THSD4: variants seen among roughly 807,000 people sequenced by gnomAD.
The protein encoded by THSD4 is thrombospondin type-1 domain-containing protein 4.
A neutral mutation model predicts 119.0 loss-of-function variants in THSD4; 69 were observed. The ratio of observed to expected loss-of-function variants is 0.58; its 90% confidence interval spans 0.48 to 0.71. The LOEUF (loss-of-function observed/expected upper bound fraction) is 0.71. Among genes scored for constraint, THSD4 ranks in the 30% least tolerant of loss-of-function variants. THSD4 has a pLI of 0.00. For missense variants in THSD4, 1,393 were observed against 1,391.1 expected (o/e 1.00, Z -0.02); for synonymous variants, 524 against 540.4 (o/e 0.97, Z 0.42).
At chr15:71,694,792 C>A (rs571044879) in intron 8 of THSD4, among the ~76,000 whole-genome samples, 4 of 152,112 alleles carry the variant, frequency 2.6e-5, no homozygotes, top group Non-Finnish European at 5.9e-5. Context: ...CAGTCCATAG[C>A]CCCTTGATAG....
intron 8 of THSD4, among the ~76,000 whole-genome samples, chr15:71,668,140 A>AT (rs950049703): frequency 1.3e-4 from 20 of 152,164 alleles, no homozygotes; most frequent in Non-Finnish European, 2.4e-4. Context: ...GTTTTCTAAC[A>AT]TTACAAATAA....
At chr15:71,326,161 A>G (rs762121049) in intron 6 of THSD4, among the ~76,000 whole-genome samples, 8 of 152,170 alleles carry the variant, frequency 5.3e-5, no homozygotes, top group Non-Finnish European at 7.4e-5. Flanking sequence ...TTGGCCACTA[A>G]TGTGACCTAG....
At chr15:71,643,473 TCAAGTAGGCCC>T (rs1439412212) in intron 7 of THSD4, among the ~76,000 whole-genome samples, 1 of 152,102 alleles carries the variant, frequency 6.6e-6, no homozygotes, top group Non-Finnish European at 1.5e-5. Context: ...CCCTCCATCC[TCAAGTAGGCCC>T]CAGTGTGTGT....
intron 6 of THSD4, among the ~76,000 whole-genome samples, chr15:71,278,757 G>A (rs2044619889): frequency 6.6e-6 from 1 of 152,152 alleles, no homozygotes; most frequent in Non-Finnish European, 1.5e-5. Flanking sequence ...GAAACGCTAG[G>A]CAGACAAACC....
At chr15:71,709,350 C>A (rs62024323) in intron 8 of THSD4, among the ~76,000 whole-genome samples, 2,442 of 152,182 alleles carry the variant, frequency 0.016, 32 homozygotes, top group Non-Finnish European at 0.024. Context: ...AGCAGCAGCA[C>A]CTGTGTGAAA....
At chr15:71,462,741 A>G (rs1385409530) in intron 7 of THSD4, among the ~76,000 whole-genome samples, 1 of 152,234 alleles carries the variant, frequency 6.6e-6, no homozygotes, top group African/African-American at 2.4e-5. Context: ...CAGGCTAAAC[A>G]TTCCATGTTT....
At chr15:71,359,319 T>C (rs1403010841) in intron 6 of THSD4, among the ~76,000 whole-genome samples, 3 of 152,242 alleles carry the variant, frequency 2.0e-5, no homozygotes, top group African/African-American at 4.8e-5. Context: ...TCTTGAGTTA[T>C]CTTTGATTCT....
At position 71,293,256 on chromosome 15, in the gene THSD4, C is replaced by T. The variant is rs193039903; in HGVS notation, c.1015+36541C>T. ...TGAGCTATCTTTTTTTGTTGGAACC[C>T]TGCACACAACTGTCATTATGTAGAT... On this transcript the variant is annotated intron_variant, in intron 6 of 17. Transcript: ENST00000261862. Among the ~76,000 whole-genome samples, 16 of 152,226 alleles carry T rather than the reference C, an allele frequency of 1.1e-4. No homozygotes were observed. In the East Asian group the frequency reaches 2.9e-3, roughly 28 times the overall value.
intron 6 of THSD4, among the ~76,000 whole-genome samples, chr15:71,379,718 A>G (rs1033399187): frequency 6.6e-5 from 10 of 151,864 alleles, no homozygotes; most frequent in African/African-American, 1.7e-4. Flanking sequence ...TCGGCCTCCC[A>G]AAGTGCTGGG....
intron 5 of THSD4, 51 bp from the exon 6 acceptor site, chr15:71,256,562 A>G (rs1456884422): frequency 1.4e-6 from 2 of 1,468,838 alleles, no homozygotes; most frequent in Non-Finnish European, 1.9e-6. Context: ...TGTATCCTGG[A>G]GCTATGAAAA....
At chr15:71,162,117 CT>C (rs988330900) in intron 3 of THSD4, among the ~76,000 whole-genome samples, 1 of 151,868 alleles carries the variant, frequency 6.6e-6, no homozygotes, top group African/African-American at 2.4e-5. Context: ...ATGTTTTTGA[CT>C]TTTTTTGGCT....
intron 6 of THSD4, among the ~76,000 whole-genome samples, chr15:71,285,560 T>G (rs2044704455): frequency 6.6e-6 from 1 of 152,188 alleles, no homozygotes; most frequent in South Asian, 2.1e-4. Flanking sequence ...AACTTTTCTC[T>G]TTTATTAAAA....
intron 8 of THSD4, among the ~76,000 whole-genome samples, chr15:71,710,974 C>T (rs932792285): frequency 2.0e-5 from 3 of 151,866 alleles, no homozygotes; most frequent in Non-Finnish European, 2.9e-5. Flanking sequence ...TTCATTATAT[C>T]TGTTTACCTA....
chr15:71,400,335 C>G (rs564428254), intron 6 of THSD4, among the ~76,000 whole-genome samples: 158 of 152,314 alleles, frequency 1.0e-3, no homozygotes, highest in Non-Finnish European at 1.7e-3. Context: ...TCTCACCCCT[C>G]TTCTGACTTT....
In THSD4 at chr15:71,728,571, C is replaced by T. The variant is rs2052910096; in HGVS notation, c.1380C>T (p.Arg460=). The change falls in exon 9 of 18, where the codon CGC becomes CGT. Residue 460 remains arginine (R), a synonymous_variant. Transcript: ENST00000261862. Reference sequence around the variant, plus strand: ...CAGCCCTGAGAAGTCGTTCTGGACGCTCCATCATCAATGGGAACTGGGCAA... The same window carrying T: ...CAGCCCTGAGAAGTCGTTCTGGACGTTCCATCATCAATGGGAACTGGGCAA... The part of the protein sequence containing the change: ...NYLALRSRSG[R]SIINGNWAID... 6.2e-7 allele frequency: 1 copy of T among 1,614,082 alleles called. No individual in the cohort carries two copies. Among genetic ancestry groups the T allele is most frequent in the Non-Finnish European group, 8.5e-7 (1 of 1,180,054 alleles).
At chr15:71,211,611 G>C (rs1199702840) in intron 3 of THSD4, among the ~76,000 whole-genome samples, 1 of 152,124 alleles carries the variant, frequency 6.6e-6, no homozygotes, top group African/African-American at 2.4e-5. Flanking sequence ...GAGGATTTGG[G>C]CTTCAATATA....
At chr15:71,455,797 C>G (rs779550659) in intron 7 of THSD4, among the ~76,000 whole-genome samples, 7 of 152,174 alleles carry the variant, frequency 4.6e-5, no homozygotes, top group Non-Finnish European at 7.4e-5. Context: ...GTGTCAAAGA[C>G]AAAATTGCTC....
chr15:71,673,354 T>C (rs541081091), intron 8 of THSD4, among the ~76,000 whole-genome samples: 1 of 152,284 alleles, frequency 6.6e-6, no homozygotes, highest in South Asian at 2.1e-4. Flanking sequence ...TCATTTTTTA[T>C]TGCGTCTATT....
intron 8 of THSD4, among the ~76,000 whole-genome samples, chr15:71,700,856 C>T (rs966204186): frequency 2.0e-5 from 3 of 151,912 alleles, no homozygotes; most frequent in African/African-American, 7.2e-5. Flanking sequence ...TGTTAGATCT[C>T]TGTGTCACAG....
Sources: gnomAD v4.1 joint callset for allele counts (sites outside exome capture counted in the v4.1 genomes callset) on GRCh38, gnomAD v4.1.1 for gene constraint, MANE v1.5 for transcripts, NCBI Gene and HGNC (gene_info 2026-07-23, HGNC 2026-07-21) for gene names.